FHOD3: variants seen among roughly 807,000 people sequenced by gnomAD.
FHOD3 encodes formin homology 2 domain containing 3.
FHOD3 carries 90 observed loss-of-function variants against 173.0 expected under a neutral mutation model. That is an observed-to-expected ratio of 0.52 (90% CI 0.44 to 0.62). The LOEUF (loss-of-function observed/expected upper bound fraction) is 0.62, where lower values mean the gene tolerates loss of function less well. Among genes scored for constraint, FHOD3 ranks in the 20% least tolerant of loss-of-function variants. The probability of loss-of-function intolerance (pLI) is 0.00; values close to 1 mark genes in which losing one functional copy is unlikely to be tolerated. For synonymous variants in FHOD3, 828 were observed against 823.0 expected (o/e 1.01, Z -0.10); for missense variants, 1,945 against 2,034.7 (o/e 0.96, Z 0.85).
At chr18:36,559,726 C>T (rs2058024092) in intron 5 of FHOD3, among the ~76,000 whole-genome samples, 2 of 152,110 alleles carry the variant, frequency 1.3e-5, no homozygotes, top group Non-Finnish European at 2.9e-5. Flanking sequence ...GAGCCCGTGG[C>T]CTTAAGTGAT....
At chr18:36,333,836 T>C (rs2045153282) in intron 1 of FHOD3, among the ~76,000 whole-genome samples, 1 of 152,252 alleles carries the variant, frequency 6.6e-6, no homozygotes, top group Admixed American at 6.5e-5. Flanking sequence ...TGCTTCTCTA[T>C]CCAGTAGTCA....
At chr18:36,738,518 G>A (rs2041751506) in intron 20 of FHOD3, among the ~76,000 whole-genome samples, 2 of 152,116 alleles carry the variant, frequency 1.3e-5, no homozygotes, top group Admixed American at 1.3e-4. Context: ...TTTGCCTAAC[G>A]TGGGTTATAA....
At chr18:36,537,321 T>A (rs1261648371) in intron 5 of FHOD3, among the ~76,000 whole-genome samples, 1 of 152,230 alleles carries the variant, frequency 6.6e-6, no homozygotes, top group Non-Finnish European at 1.5e-5. Context: ...CATGTCAGAC[T>A]GTTATTCTGG....
At chr18:36,646,278 A>G (rs2035676041) in intron 10 of FHOD3, among the ~76,000 whole-genome samples, 7 of 152,162 alleles carry the variant, frequency 4.6e-5, no homozygotes, top group Admixed American at 3.9e-4. Context: ...ATTGAGTTCA[A>G]TAATATGTAC....
intron 10 of FHOD3, among the ~76,000 whole-genome samples, chr18:36,638,938 A>G (rs2035084467): frequency 6.6e-6 from 1 of 152,228 alleles, no homozygotes; most frequent in Admixed American, 6.5e-5. Flanking sequence ...TCTGGAAGTG[A>G]CAAAACATGT....
chr18:36,619,354 C>G (rs1452252983), intron 9 of FHOD3, among the ~76,000 whole-genome samples: 2 of 152,174 alleles, frequency 1.3e-5, no homozygotes, highest in East Asian at 3.9e-4. Flanking sequence ...CCAAATGAAC[C>G]CTTTATTTTT....
chr18:36,385,344 T>A (rs1333654567), intron 3 of FHOD3, among the ~76,000 whole-genome samples: 1 of 152,216 alleles, frequency 6.6e-6, no homozygotes, highest in African/African-American at 2.4e-5. Flanking sequence ...CCACAATTCC[T>A]GCTTAGCTGC....
At chr18:36,669,151 A>G (rs1365419159) in intron 14 of FHOD3, among the ~76,000 whole-genome samples, 6 of 151,922 alleles carry the variant, frequency 3.9e-5, no homozygotes, top group African/African-American at 1.4e-4. Flanking sequence ...TATTAGGTGC[A>G]TAAATATTTA....
At chr18:36,302,321 A>C (rs544960681) in intron 1 of FHOD3, among the ~76,000 whole-genome samples, 1 of 152,166 alleles carries the variant, frequency 6.6e-6, no homozygotes, top group Non-Finnish European at 1.5e-5. Context: ...GATAGAATCT[A>C]GCTACTCCAA....
intron 3 of FHOD3, among the ~76,000 whole-genome samples, chr18:36,500,442 G>A (rs1407366984): frequency 6.6e-6 from 1 of 152,202 alleles, no homozygotes; most frequent in Non-Finnish European, 1.5e-5. Context: ...TGCACAAGGG[G>A]GGAATGTGGC....
At chr18:36,350,337 C>T (rs924408272) in intron 1 of FHOD3, among the ~76,000 whole-genome samples, 1 of 152,298 alleles carries the variant, frequency 6.6e-6, no homozygotes, top group South Asian at 2.1e-4. Flanking sequence ...GATTTACAGC[C>T]CTATCTGTGT....
chr18:36,607,669 C>G (rs1007569963), intron 8 of FHOD3, among the ~76,000 whole-genome samples: 3 of 152,156 alleles, frequency 2.0e-5, no homozygotes, highest in Non-Finnish European at 4.4e-5. Context: ...CTTTATATCA[C>G]TTCTATCCTC....
chr18:36,413,364 A>AATATTTCCT (rs2049458042), intron 3 of FHOD3, among the ~76,000 whole-genome samples: 1 of 152,154 alleles, frequency 6.6e-6, no homozygotes, highest in Admixed American at 6.5e-5. Context: ...CCAGAGGTTT[A>AATATTTCCT]ATATTTCCTC....
chr18:36,736,115 T>TA (rs1286512518), intron 20 of FHOD3, among the ~76,000 whole-genome samples: 1 of 152,136 alleles, frequency 6.6e-6, no homozygotes, highest in Admixed American at 6.5e-5. Flanking sequence ...TCAACCCCTC[T>TA]AGGGAGTGGG....
intron 6 of FHOD3, among the ~76,000 whole-genome samples, chr18:36,579,120 C>G (rs1046029310): frequency 1.6e-4 from 25 of 152,082 alleles, no homozygotes; most frequent in African/African-American, 6.0e-4. Context: ...CTCCTTTTTC[C>G]TTGCTTGTGC....
At chr18:36,684,292 T>C in intron 15 of FHOD3, among the ~76,000 whole-genome samples, 1 of 152,162 alleles carries the variant, frequency 6.6e-6, no homozygotes, top group East Asian at 1.9e-4. Flanking sequence ...ACAAAATATG[T>C]AAAATGTACA....
chr18:36,499,048 A>G (rs2054885484), intron 3 of FHOD3, among the ~76,000 whole-genome samples: 1 of 152,050 alleles, frequency 6.6e-6, no homozygotes, highest in Non-Finnish European at 1.5e-5. Context: ...AACAAGTAAG[A>G]AGGTCTAATG....
chr18:36,591,114 G>A (rs1157456584), intron 6 of FHOD3, among the ~76,000 whole-genome samples: 3 of 152,170 alleles, frequency 2.0e-5, no homozygotes, highest in African/African-American at 2.4e-5. Context: ...AGCCCTAAAC[G>A]TACAAAGCAC....
chr18:36,703,795 C>T (rs866977543), intron 17 of FHOD3, among the ~76,000 whole-genome samples: 3 of 152,172 alleles, frequency 2.0e-5, no homozygotes, highest in African/African-American at 4.8e-5. Flanking sequence ...CCTCATTTTG[C>T]GACCTGCATG....
Sources: allele counts gnomAD v4.1 joint callset (sites outside exome capture counted in the v4.1 genomes callset), GRCh38; gene constraint gnomAD v4.1.1; transcripts MANE v1.5; gene names NCBI Gene and HGNC (gene_info 2026-07-23, HGNC 2026-07-21).